SGCZ: variants seen among roughly 807,000 people sequenced by gnomAD.
The protein encoded by SGCZ is zeta-sarcoglycan.
In SGCZ, 40 loss-of-function variants were observed where a neutral mutation model predicts 41.3. That is an observed-to-expected ratio of 0.97 (90% confidence interval 0.75 to 1.26). The LOEUF (loss-of-function observed/expected upper bound fraction) is 1.26, where lower values mean the gene tolerates loss of function less well. Ranked by LOEUF, SGCZ falls within the 50% of genes most tolerant of loss-of-function variation. SGCZ has a pLI of 0.00. For missense variants in SGCZ, 552 were observed against 369.8 expected, an observed-to-expected ratio of 1.49 and a Z score of -4.04; for synonymous variants, 206 against 137.5, an observed-to-expected ratio of 1.50 and a Z score of -3.49.
chr8:14,174,295 T>C (rs1216000457), intron 4 of SGCZ, among the ~76,000 whole-genome samples: 1 of 152,122 alleles, frequency 6.6e-6, no homozygotes, highest in East Asian at 1.9e-4. Context: ...TTTATCAGAA[T>C]AATGAGTCCA....
At chr8:15,166,696 A>C (rs1799675652) in intron 1 of SGCZ, among the ~76,000 whole-genome samples, 1 of 152,268 alleles carries the variant, frequency 6.6e-6, no homozygotes. Context: ...CAACAGAGAT[A>C]ACCAAACTTA....
At chr8:14,308,570 GTGTT>G (rs1266754864) in intron 3 of SGCZ, among the ~76,000 whole-genome samples, 2 of 151,836 alleles carry the variant, frequency 1.3e-5, no homozygotes, top group African/African-American at 2.4e-5. Context: ...TATACTGCTT[GTGTT>G]TGTTTTTCTA....
At chr8:14,476,497 TAAC>T (rs1281255589) in intron 2 of SGCZ, among the ~76,000 whole-genome samples, 7 of 152,056 alleles carry the variant, frequency 4.6e-5, no homozygotes, top group African/African-American at 1.7e-4. Context: ...AAAATTAAAG[TAAC>T]AAATTATTAG....
intron 1 of SGCZ, among the ~76,000 whole-genome samples, chr8:15,080,335 C>A (rs1030935809): frequency 1.3e-5 from 2 of 152,050 alleles, no homozygotes; most frequent in East Asian, 3.9e-4. Flanking sequence ...GTGGGTCAAT[C>A]TGACCTAACC....
chr8:15,127,182 T>C (rs570895830), intron 1 of SGCZ, among the ~76,000 whole-genome samples: 9 of 152,014 alleles, frequency 5.9e-5, no homozygotes, highest in African/African-American at 2.2e-4. Flanking sequence ...GCTACAACTA[T>C]TATCCCCTAA....
chr8:14,746,191 A>C (rs536451039), intron 1 of SGCZ, among the ~76,000 whole-genome samples: 1 of 152,276 alleles, frequency 6.6e-6, no homozygotes, highest in East Asian at 1.9e-4. Context: ...TCAAACGTAG[A>C]GATTTAAAAA....
intron 1 of SGCZ, among the ~76,000 whole-genome samples, chr8:14,670,079 T>A (rs1047077002): frequency 6.6e-6 from 1 of 152,228 alleles, no homozygotes; most frequent in African/African-American, 2.4e-5. Context: ...TATCCTTAAA[T>A]TCAACTCCAG....
intron 1 of SGCZ, among the ~76,000 whole-genome samples, chr8:14,775,731 G>C (rs1372048937): frequency 6.6e-6 from 1 of 152,092 alleles, no homozygotes; most frequent in Non-Finnish European, 1.5e-5. Context: ...ATTTTGAAAA[G>C]AAAGGAAATA....
chr8:14,933,172 A>G (rs898515973), intron 1 of SGCZ, among the ~76,000 whole-genome samples: 1 of 151,962 alleles, frequency 6.6e-6, no homozygotes, highest in Non-Finnish European at 1.5e-5. Flanking sequence ...TTGTACAGCA[A>G]ACGTCAGAAA....
At chr8:14,433,625 C>T (rs1800006766) in intron 2 of SGCZ, among the ~76,000 whole-genome samples, 1 of 152,070 alleles carries the variant, frequency 6.6e-6, no homozygotes, top group Admixed American at 6.6e-5. Context: ...ATTCACTTAA[C>T]CCTTTTCCTA....
intron 1 of SGCZ, among the ~76,000 whole-genome samples, chr8:15,090,688 G>T (rs1210757136): frequency 1.3e-5 from 2 of 152,166 alleles, no homozygotes; most frequent in Non-Finnish European, 2.9e-5. Context: ...GGAAGGTAAA[G>T]CCAAGCGTTG....
At position 14,871,824 on chromosome 8, in the gene SGCZ, GTATATA is replaced by G. The variant is rs111251530; in HGVS notation, c.40-316904_40-316899del. On this transcript the variant is annotated intron_variant, in intron 1 of 7. Transcript: ENST00000382080. ...TCTCAAAAATGTATAATATGTGTGTGTATATATATATATATGTATGTATATATATGC... is the reference window on the plus strand; with the variant it reads ...TCTCAAAAATGTATAATATGTGTGTGTATATATATGTATGTATATATATGC... Among the ~76,000 whole-genome samples the G allele has an allele frequency of 1.0e-4, 15 of 147,702 alleles. No individual in the cohort carries two copies. In the East Asian group the frequency reaches 1.2e-3, roughly 12 times the overall value.
rs115001956 is a variant in SGCZ at position 14,510,700 on chromosome 8, T to C, written c.234+44032A>G. ...AAGACAAATAAATATTTCTCCTTGA[T>C]TGACAAGGAAAAGAATCTGTCTCTC... On this transcript the variant is annotated intron_variant, in intron 2 of 7. Coordinates refer to ENST00000382080, the MANE Select transcript of SGCZ (RefSeq NM_139167.4). 3.3e-3 allele frequency among the ~76,000 whole-genome samples: 502 copies of C among 152,296 alleles called. 4 individuals carry two copies. The highest frequency in any genetic ancestry group is 0.011 in the African/African-American group (446 of 41,582).
At chr8:14,533,413 T>G (rs1404556298) in intron 2 of SGCZ, among the ~76,000 whole-genome samples, 7 of 152,084 alleles carry the variant, frequency 4.6e-5, no homozygotes, top group Non-Finnish European at 1.5e-5. Flanking sequence ...TTTGAAGAGT[T>G]TATTGAATTA....
intron 2 of SGCZ, among the ~76,000 whole-genome samples, chr8:14,396,517 A>T (rs11994823): frequency 0.17 from 25,525 of 151,710 alleles, 5,062 homozygotes; most frequent in African/African-American, 0.48. Flanking sequence ...ACATTTATTC[A>T]TTCACCCAAT....
intron 1 of SGCZ, among the ~76,000 whole-genome samples, chr8:15,179,179 G>A (rs917638657): frequency 6.6e-6 from 1 of 151,492 alleles, no homozygotes; most frequent in Non-Finnish European, 1.5e-5. Flanking sequence ...ACCTGTTTAA[G>A]TAAAGATTCT....
In SGCZ at chr8:14,751,673, C is replaced by T. The variant is rs570403821; in HGVS notation, c.40-196747G>A. ...TTAAAACCTGAGAGGATTTGCCTCC[C>T]GAGTAGCTGTGACTACAGGTACCTG... is the stretch of plus-strand genomic sequence containing the variant. On this transcript the variant is annotated intron_variant, in intron 1 of 7. Transcript: ENST00000382080. Among the ~76,000 whole-genome samples the T allele has an allele frequency of 7.2e-5, 11 of 152,132 alleles. 1 individual carries two copies. Among genetic ancestry groups the T allele is most frequent in the South Asian group, 4.2e-4 (2 of 4,810 alleles).
intron 1 of SGCZ, among the ~76,000 whole-genome samples, chr8:14,624,772 T>C (rs1806399339): frequency 6.6e-6 from 1 of 151,596 alleles, no homozygotes; most frequent in Admixed American, 6.6e-5. Flanking sequence ...GGTTTCACCA[T>C]GTTGGCCAGG....
intron 5 of SGCZ, among the ~76,000 whole-genome samples, chr8:14,136,361 G>T (rs1037613583): frequency 6.6e-6 from 1 of 152,190 alleles, no homozygotes; most frequent in African/African-American, 2.4e-5. Context: ...ACCTTACACA[G>T]GAAGCTCAAG....
Sources: allele counts gnomAD v4.1 joint callset (sites outside exome capture counted in the v4.1 genomes callset), GRCh38; gene constraint gnomAD v4.1.1; transcripts MANE v1.5; gene names NCBI Gene and HGNC (gene_info 2026-07-23, HGNC 2026-07-21).